The following MCM6 variants were observed in gnomAD, a reference collection of about 807,000 sequenced individuals.
MCM6 encodes the protein minichromosome maintenance complex component 6, also known as DNA replication licensing factor MCM6.
In MCM6, 46 loss-of-function variants were observed where a neutral mutation model predicts 94.3. The ratio of observed to expected loss-of-function variants is 0.49; its 90% CI spans 0.39 to 0.62. The LOEUF (loss-of-function observed/expected upper bound fraction) is 0.62, where lower values mean the gene tolerates loss of function less well. Ranked by LOEUF, MCM6 falls within the 20% of genes least tolerant of loss-of-function variation. The pLI, the probability that MCM6 is intolerant of heterozygous loss-of-function variation, is 0.00. For missense variants in MCM6, 865 were observed against 1,017.9 expected, an observed-to-expected ratio of 0.85 and a Z score of 2.04; for synonymous variants, 335 against 351.9, an observed-to-expected ratio of 0.95 and a Z score of 0.54.
intron 13 of MCM6, among the ~76,000 whole-genome samples, chr2:135,849,967 T>C (rs916410718): frequency 6.6e-6 from 1 of 152,188 alleles, no homozygotes; most frequent in Non-Finnish European, 1.5e-5. Flanking sequence ...ATAATTTATG[T>C]GCATATATTT....
At chr2:135,853,205 G>C (rs1364162196) in intron 11 of MCM6, among the ~76,000 whole-genome samples, 1 of 152,202 alleles carries the variant, frequency 6.6e-6, no homozygotes, top group African/African-American at 2.4e-5. Flanking sequence ...CCAACACTTT[G>C]GGAGACTGAT....
At chr2:135,846,775 A>G (rs4988261) in intron 14 of MCM6, among the ~76,000 whole-genome samples, 9,955 of 152,156 alleles carry the variant, frequency 0.065, 863 homozygotes, top group African/African-American at 0.2. Context: ...AGGCCAAGGG[A>G]AGCACATCAC....
chr2:135,854,992 T>C (rs888533821), intron 11 of MCM6, among the ~76,000 whole-genome samples: 1 of 151,418 alleles, frequency 6.6e-6, no homozygotes, highest in Non-Finnish European at 1.5e-5. Flanking sequence ...CTGTCTCTAG[T>C]AAAAATACAC....
chr2:135,842,330 C>G (rs551379087), intron 16 of MCM6, among the ~76,000 whole-genome samples: 1 of 152,156 alleles, frequency 6.6e-6, no homozygotes, highest in East Asian at 1.9e-4. Context: ...ACAGACTGAT[C>G]TACCTTCACA....
At chr2:135,857,769 T>C (rs1679919690) in intron 10 of MCM6, 128 bp downstream of exon 10, 3 of 680,678 alleles carry the variant, frequency 4.4e-6, no homozygotes, top group Non-Finnish European at 7.6e-6. Flanking sequence ...CTCAGGGCTG[T>C]ATTTTCCATT....
At chr2:135,861,031 CTTTT>C (rs900841751) in intron 8 of MCM6, among the ~76,000 whole-genome samples, 20 of 151,972 alleles carry the variant, frequency 1.3e-4, no homozygotes, top group African/African-American at 4.8e-4. Flanking sequence ...GTACATCTTT[CTTTT>C]TGAGGGGGGA....
chr2:135,859,285 T>C lies in MCM6; in HGVS notation c.1362+16A>G. ...ATTCTGACTTCTTTATACTGAAGAG[T>C]GTAAAATGTTCTTACATTATCAGCC... On this transcript the variant is annotated intron_variant, in intron 9 of 16. Transcript: ENST00000264156. The C allele has an allele frequency of 1.2e-6, 2 of 1,605,984 alleles. No individual in the cohort carries two copies. The highest frequency in any genetic ancestry group is 1.7e-6 in the Non-Finnish European group (2 of 1,174,590).
intron 14 of MCM6, among the ~76,000 whole-genome samples, chr2:135,847,059 T>C (rs891955765): frequency 2.0e-5 from 3 of 151,886 alleles, no homozygotes; most frequent in East Asian, 1.9e-4. Flanking sequence ...CAGTTATACA[T>C]AGCATATAAG....
chr2:135,871,433 G>A (rs551227006), intron 2 of MCM6, among the ~76,000 whole-genome samples: 1 of 152,284 alleles, frequency 6.6e-6, no homozygotes, highest in Non-Finnish European at 1.5e-5. Context: ...CAGAAACACA[G>A]ACAAATCCTC....
chr2:135,846,179 A>G lies in MCM6; in HGVS notation c.2209+58T>C, dbSNP rs1431848073. The G allele has an allele frequency of 5.8e-6, 9 of 1,550,274 alleles. No homozygotes were observed. The African/African-American group carries it at 1.1e-4, about 19-fold the overall frequency. On this transcript the variant is annotated intron_variant, in intron 15 of 16. Coordinates refer to ENST00000264156, the MANE Select transcript of MCM6 (RefSeq NM_005915.6). ...GAAGTTTGGCAATCACAAGTGGCCT[A>G]TGTGAACAGAGCTTACAGAAGTGAC...
chr2:135,856,279 C>T (rs1466469769), intron 11 of MCM6, among the ~76,000 whole-genome samples: 1 of 151,920 alleles, frequency 6.6e-6, no homozygotes, highest in East Asian at 1.9e-4. Context: ...CCTGTCTGTA[C>T]TAAAAATATA....
At chr2:135,858,774 T>C (rs1251221877) in intron 9 of MCM6, among the ~76,000 whole-genome samples, 1 of 152,252 alleles carries the variant, frequency 6.6e-6, no homozygotes, top group Non-Finnish European at 1.5e-5. Flanking sequence ...TATACACATC[T>C]ACCGATCTAA....
chr2:135,853,104 A>C (rs1679807342), intron 11 of MCM6, among the ~76,000 whole-genome samples, 189 bp from the exon 12 acceptor site: 1 of 152,206 alleles, frequency 6.6e-6, no homozygotes, highest in Non-Finnish European at 1.5e-5. Context: ...TTAAATGTAT[A>C]CCATTGCCCC....
chr2:135,853,841 T>C (rs1679820286), intron 11 of MCM6, among the ~76,000 whole-genome samples: 1 of 152,214 alleles, frequency 6.6e-6, no homozygotes, highest in Admixed American at 6.5e-5. Flanking sequence ...GGTAAAATGT[T>C]ATTATGTGAA....
At chr2:135,857,356 G>A (rs909857613) in intron 10 of MCM6, among the ~76,000 whole-genome samples, 1 of 152,088 alleles carries the variant, frequency 6.6e-6, no homozygotes, top group Non-Finnish European at 1.5e-5. Context: ...TCCTAAAAGG[G>A]GCACAAACTC....
rs1203738320 is a variant in MCM6, at chr2:135,840,619, G to A, written c.*216C>T. 1.9e-6 allele frequency: 1 copy of A among 514,996 alleles called. No homozygotes were observed. The highest frequency in any genetic ancestry group is 3.5e-6 in the Non-Finnish European group (1 of 286,926). 31.9% of individuals were successfully genotyped at this position (514,996 alleles called of 1,614,324 possible). On this transcript the variant is annotated 3_prime_UTR_variant, in exon 17 of 17. Transcript: ENST00000264156. ...ATTTGGTTCCAACTTCACTGGGACA[G>A]GAAACACACCAAAGGAAGTGCTGAA...
chr2:135,865,268 C>T, intron 6 of MCM6, 105 bp from the exon 7 acceptor site: 1 of 786,380 alleles, frequency 1.3e-6, no homozygotes, highest in South Asian at 4.4e-5. Flanking sequence ...GGAAGTCAAC[C>T]TCACAATTTA....
At position 135,844,558 on chromosome 2, in the gene MCM6, C is replaced by A; in HGVS notation, c.2336G>T (p.Arg779Leu). 1 of 1,570,180 alleles carries A rather than the reference C, an allele frequency of 6.4e-7. No individual in the cohort carries two copies. Among genetic ancestry groups the A allele is most frequent in the South Asian group, 1.2e-5 (1 of 81,014 alleles). ...TTCTGCACCTACATAGTGTGTGAGT[C>A]GATGAATAACTTTCTCTATGATTCT... ...KKRIIEKVIH[R>L]LTHYDHVLIE... Residue 779 changes from arginine (R) to leucine (L), a missense_variant, in exon 16 of 17, where the codon CGA (arginine) becomes CTA (leucine). By Grantham distance (102) the Arg-to-Leu change is moderately radical (BLOSUM62 -2). Around this residue, in one of 3 missense-constraint regions of MCM6, gnomAD observed 308 missense variants for 324.5 expected, o/e 0.95. Coordinates refer to ENST00000264156, the MANE Select transcript of MCM6 (RefSeq NM_005915.6).
rs774186174 is a variant in MCM6 at position 135,870,370 on chromosome 2, C to A, written c.255-9G>T. 2.2e-5 allele frequency: 36 copies of A among 1,602,504 alleles called. No individual in the cohort carries two copies. The highest frequency in any genetic ancestry group is 2.9e-5 in the Non-Finnish European group (34 of 1,170,472). ...ACAGGTAAGGGTAAACTCTGAAAAACAAAAAAGTCAGCTGATACCTTAGAG... is the reference window on the plus strand; with the variant it reads ...ACAGGTAAGGGTAAACTCTGAAAAAAAAAAAAGTCAGCTGATACCTTAGAG... On this transcript the variant is annotated splice_polypyrimidine_tract_variant and intron_variant, in intron 2 of 16. Coordinates refer to ENST00000264156, the MANE Select transcript of MCM6 (RefSeq NM_005915.6).
Sources: gnomAD v4.1 joint callset for allele counts (sites outside exome capture counted in the v4.1 genomes callset) on GRCh38, gnomAD v4.1.1 for gene constraint, gnomAD v4.1.1 regional missense constraint, MANE v1.5 for transcripts, NCBI Gene and HGNC (gene_info 2026-07-23, HGNC 2026-07-21) for gene names.